Variants in SCLT1 observed in about 807,000 individuals in gnomAD.
SCLT1 encodes the protein sodium channel-associated protein 1.
SCLT1 carries 78 observed loss-of-function variants against 112.8 expected under a neutral mutation model. That is an observed-to-expected ratio of 0.69 (90% CI 0.58 to 0.83). The LOEUF (loss-of-function observed/expected upper bound fraction) is 0.83. SCLT1 is among the 40% of genes least tolerant of loss of function. The pLI is 0.00. For missense variants in SCLT1, 747 were observed against 770.4 expected (o/e 0.97, Z 0.36); for synonymous variants, 257 against 254.7 (o/e 1.01, Z -0.09).
intron 6 of SCLT1, among the ~76,000 whole-genome samples, chr4:129,002,795 A>G (rs995551947): frequency 6.6e-6 from 1 of 152,178 alleles, no homozygotes; most frequent in Non-Finnish European, 1.5e-5. Flanking sequence ...CAGGTGCTGG[A>G]GAGGACGTGG....
intron 5 of SCLT1, among the ~76,000 whole-genome samples, chr4:129,007,212 T>C (rs1744106663): frequency 6.6e-6 from 1 of 152,206 alleles, no homozygotes; most frequent in South Asian, 2.1e-4. Flanking sequence ...ATGCATATTT[T>C]GAAGGTCTTC....
At position 129,017,084 on chromosome 4, in the gene SCLT1, T is replaced by C. The variant is rs75867503; in HGVS notation, c.291-13208A>G. On this transcript the variant is annotated intron_variant, in intron 5 of 20. Transcript: ENST00000281142. ...AGTAGTTTTTAATTTTAGTTGTCAA[T>C]TCATTTTTTTAATCTCAGGAGTTAC... 3.5e-3 allele frequency among the ~76,000 whole-genome samples: 539 copies of C among 152,356 alleles called. 2 individuals carry two copies. The highest frequency in any genetic ancestry group is 4.5e-3 in the Non-Finnish European group (304 of 68,034).
chr4:128,952,841 C>G lies in SCLT1; in HGVS notation c.1147-1G>C, dbSNP rs1345480264. On this transcript the variant is annotated splice_acceptor_variant, in intron 13 of 20. Transcript: ENST00000281142. LOFTEE classifies it high-confidence loss of function. Reference sequence around the variant, plus strand: ...TACATTGTTTTTTGGTGTTTGCAACCTGTAAATTAAGACATTTACTCATTA... The same window carrying G: ...TACATTGTTTTTTGGTGTTTGCAACGTGTAAATTAAGACATTTACTCATTA... 6.8e-7 allele frequency: 1 copy of G among 1,470,048 alleles called. No individual in the cohort carries two copies. Among genetic ancestry groups the G allele is most frequent in the Non-Finnish European group, 9.5e-7 (1 of 1,049,286 alleles). The allele number at this position is 1,470,048 out of a possible 1,614,324, so 91.1% of individuals were successfully genotyped here.
rs11941212 is a variant in SCLT1, at chr4:129,068,531, T to C, written c.102+13775A>G. Among the ~76,000 whole-genome samples, 1,208 of 152,274 alleles carry C rather than the reference T, an allele frequency of 7.9e-3. 15 individuals are homozygous for C. The highest frequency in any genetic ancestry group is 0.028 in the African/African-American group (1,158 of 41,550). On this transcript the variant is annotated intron_variant, in intron 2 of 20. Transcript: ENST00000281142. ...CATCTGTATATCTTCTTTTGAGAAT[T>C]TGTCTATATGTATATGTTTGTTGGC...
chr4:129,025,688 C>T (rs1324117601), intron 5 of SCLT1, among the ~76,000 whole-genome samples: 2 of 152,098 alleles, frequency 1.3e-5, no homozygotes, highest in African/African-American at 4.8e-5. Flanking sequence ...GGATCAAATT[C>T]ACACATAACA....
intron 5 of SCLT1, among the ~76,000 whole-genome samples, chr4:129,034,552 T>C (rs1329210222): frequency 7.2e-6 from 1 of 139,524 alleles, no homozygotes; most frequent in Non-Finnish European, 1.6e-5. Flanking sequence ...TGAAGTTTTA[T>C]GTTTCTGTGT....
downstream of SCLT1, among the ~76,000 whole-genome samples, chr4:128,882,600 T>G (rs1324473306): frequency 6.6e-6 from 1 of 152,206 alleles, no homozygotes; most frequent in Non-Finnish European, 1.5e-5. Context: ...TGCCAGGGAC[T>G]ATATTGGGTG....
At chr4:128,968,494 A>G (rs1579541714) in intron 10 of SCLT1, among the ~76,000 whole-genome samples, 1 of 152,192 alleles carries the variant, frequency 6.6e-6, no homozygotes, top group Non-Finnish European at 1.5e-5. Context: ...AACAGATTTT[A>G]ATTCCTTGAA....
chr4:128,920,301 T>C (rs1341739779), intron 18 of SCLT1, among the ~76,000 whole-genome samples: 2 of 152,120 alleles, frequency 1.3e-5, no homozygotes, highest in African/African-American at 4.8e-5. Flanking sequence ...AAAATCACAT[T>C]ATCATCTCAA....
At chr4:129,092,980 G>C in intron 1 of SCLT1, 90 bp downstream of exon 1, 1 of 954,096 alleles carries the variant, frequency 1.0e-6, no homozygotes, top group South Asian at 1.3e-5. Flanking sequence ...CAATTTAAAT[G>C]TACCCAACCA....
chr4:128,937,787 A>G (rs1427925694), intron 17 of SCLT1, among the ~76,000 whole-genome samples: 2 of 152,212 alleles, frequency 1.3e-5, no homozygotes, highest in Non-Finnish European at 2.9e-5. Flanking sequence ...CTTTAATTGC[A>G]GCATGAACTT....
chr4:129,063,002 C>A (rs1210661385), intron 2 of SCLT1, among the ~76,000 whole-genome samples: 1 of 152,174 alleles, frequency 6.6e-6, no homozygotes. Flanking sequence ...CCTTCTGAGA[C>A]TCTCACAATC....
intron 18 of SCLT1, among the ~76,000 whole-genome samples, chr4:128,899,500 A>C (rs1734083716): frequency 6.6e-6 from 1 of 152,174 alleles, no homozygotes. Flanking sequence ...ACTCTCAATA[A>C]ATTAGGTATT....
intron 9 of SCLT1, among the ~76,000 whole-genome samples, chr4:128,973,461 G>A (rs1740872301): frequency 2.0e-5 from 3 of 150,116 alleles, no homozygotes; most frequent in Non-Finnish European, 4.4e-5. Context: ...AGTAGTGGGA[G>A]GGAGGAGAGG....
In SCLT1 at chr4:128,970,486, T is replaced by C; in HGVS notation, c.687-18A>G. ...TGGCTTGCCTAAAAAATAAAGTAAATTAATAAACACTGTTTTCATAGACCA... is the reference window on the plus strand; with the variant it reads ...TGGCTTGCCTAAAAAATAAAGTAAACTAATAAACACTGTTTTCATAGACCA... On this transcript the variant is annotated intron_variant, in intron 9 of 20. Coordinates refer to ENST00000281142, the MANE Select transcript of SCLT1 (RefSeq NM_144643.4). 7.4e-7 allele frequency: 1 copy of C among 1,356,430 alleles called. No homozygotes were observed. Among genetic ancestry groups the C allele is most frequent in the Non-Finnish European group, 1.1e-6 (1 of 947,684 alleles). The allele number at this position is 1,356,430 out of a possible 1,614,324, so 84.0% of individuals were successfully genotyped here.
At chr4:128,923,983 A>ATTTTTTATTTTGTAGAGACGAGGTCTCAC in intron 18 of SCLT1, among the ~76,000 whole-genome samples, 1 of 151,632 alleles carries the variant, frequency 6.6e-6, no homozygotes, top group South Asian at 2.1e-4. Flanking sequence ...TAATTTTATT[A>ATTTTTTATTTTGTAGAGACGAGGTCTCAC]TTTTTTATTT....
chr4:129,074,750 G>A (rs912216265), intron 2 of SCLT1, among the ~76,000 whole-genome samples: 2 of 152,026 alleles, frequency 1.3e-5, no homozygotes, highest in African/African-American at 4.8e-5. Context: ...CACCCAAACT[G>A]GAGTGCAATG....
At chr4:129,030,762 G>A (rs1297081566) in intron 5 of SCLT1, among the ~76,000 whole-genome samples, 1 of 152,130 alleles carries the variant, frequency 6.6e-6, no homozygotes, top group African/African-American at 2.4e-5. Flanking sequence ...AAACCAGGAA[G>A]AAGTCGAATC....
chr4:129,080,759 T>C (rs936414524), intron 2 of SCLT1, among the ~76,000 whole-genome samples: 4 of 152,204 alleles, frequency 2.6e-5, no homozygotes. Flanking sequence ...CCAATGCCCA[T>C]TCACTGGTAC....
Sources: allele counts gnomAD v4.1 joint callset (sites outside exome capture counted in the v4.1 genomes callset), GRCh38; gene constraint gnomAD v4.1.1; transcripts MANE v1.5; gene names NCBI Gene and HGNC (gene_info 2026-07-23, HGNC 2026-07-21).